Variants in ZBTB16 observed in about 807,000 individuals in gnomAD.
ZBTB16 encodes the protein zinc finger and BTB domain containing 16.
ZBTB16 carries 8 observed loss-of-function variants against 56.8 expected under a neutral mutation model. The ratio of observed to expected loss-of-function variants is 0.14; its 90% confidence interval spans 0.08 to 0.25. ZBTB16 has a LOEUF of 0.25. Ranked by LOEUF, ZBTB16 falls within the 10% of genes least tolerant of loss-of-function variation. The pLI is 1.00. For missense variants in ZBTB16, 625 were observed against 903.0 expected (o/e 0.69, Z 3.95); for synonymous variants, 363 against 368.5 (o/e 0.98, Z 0.17).
At chr11:114,104,480 G>C (rs1940720769) in intron 2 of ZBTB16, among the ~76,000 whole-genome samples, 1 of 152,172 alleles carries the variant, frequency 6.6e-6, no homozygotes, top group Non-Finnish European at 1.5e-5. Context: ...ATGGCAGGAA[G>C]GGAAAGGGAA....
intron 2 of ZBTB16, among the ~76,000 whole-genome samples, chr11:114,085,082 A>G (rs1031092989): frequency 9.2e-5 from 14 of 152,190 alleles, no homozygotes; most frequent in African/African-American, 3.4e-4. Flanking sequence ...TAGGATTTTG[A>G]CGATACCTCT....
At chr11:114,069,150 A>T (rs1446825660) in intron 2 of ZBTB16, among the ~76,000 whole-genome samples, 1 of 152,106 alleles carries the variant, frequency 6.6e-6, no homozygotes, top group Non-Finnish European at 1.5e-5. Flanking sequence ...CAGTGGCGCG[A>T]TCTCAGCTCA....
chr11:114,109,965 A>G (rs1464187917), intron 2 of ZBTB16, among the ~76,000 whole-genome samples: 1 of 152,142 alleles, frequency 6.6e-6, no homozygotes, highest in African/African-American at 2.4e-5. Context: ...CCACAGGAGG[A>G]CTTCTGGAAG....
At chr11:114,185,843 G>C (rs966062428) in intron 3 of ZBTB16, among the ~76,000 whole-genome samples, 2 of 152,208 alleles carry the variant, frequency 1.3e-5, no homozygotes, top group African/African-American at 2.4e-5. Context: ...GTTTCATCTT[G>C]ACATGGTGGC....
chr11:114,164,522 G>A (rs1942688474), intron 3 of ZBTB16, among the ~76,000 whole-genome samples: 1 of 152,210 alleles, frequency 6.6e-6, no homozygotes, highest in Non-Finnish European at 1.5e-5. Flanking sequence ...TATTGTCTGA[G>A]GATGAATAGA....
chr11:114,224,263 A>G lies in ZBTB16; in HGVS notation c.1454-17904A>G, dbSNP rs181413780. On this transcript the variant is annotated intron_variant, in intron 4 of 6. Coordinates refer to ENST00000335953, the MANE Select transcript of ZBTB16 (RefSeq NM_006006.6). ...GGGGGTGGATAAATAAATGCACAAA[A>G]AGATACTAGAAATCCGAAAACATTT... is the stretch of plus-strand genomic sequence containing the variant. Among the ~76,000 whole-genome samples, 479 of 152,336 alleles carry G rather than the reference A, an allele frequency of 3.1e-3. 1 individual carries two copies. The highest frequency in any genetic ancestry group is 0.011 in the African/African-American group (449 of 41,572).
chr11:114,165,308 C>G (rs1591737553), intron 3 of ZBTB16, among the ~76,000 whole-genome samples: 1 of 152,186 alleles, frequency 6.6e-6, no homozygotes, highest in African/African-American at 2.4e-5. Flanking sequence ...CCTGCTTTTC[C>G]CAGGTCCCTG....
chr11:114,190,100 G>A (rs1179038299), intron 4 of ZBTB16, among the ~76,000 whole-genome samples: 1 of 152,156 alleles, frequency 6.6e-6, no homozygotes. Flanking sequence ...AAAATATCTA[G>A]AATAGGCAAA....
chr11:114,238,178 G>T (rs1944632141), intron 4 of ZBTB16, among the ~76,000 whole-genome samples: 1 of 152,170 alleles, frequency 6.6e-6, no homozygotes, highest in South Asian at 2.1e-4. Context: ...GCCCTGGTCT[G>T]GTCCCTACCC....
intron 4 of ZBTB16, among the ~76,000 whole-genome samples, chr11:114,228,411 T>C (rs1428846867): frequency 1.3e-5 from 2 of 152,200 alleles, no homozygotes; most frequent in Non-Finnish European, 2.9e-5. Flanking sequence ...TGCTGGTTGC[T>C]TATATTCCTA....
intron 4 of ZBTB16, among the ~76,000 whole-genome samples, chr11:114,232,403 G>C (rs1944456911): frequency 6.6e-6 from 1 of 152,178 alleles, no homozygotes; most frequent in South Asian, 2.1e-4. Context: ...AAGCAGTGTA[G>C]AGAAACCGAG....
intron 4 of ZBTB16, among the ~76,000 whole-genome samples, chr11:114,223,412 G>A (rs1275868054): frequency 6.6e-6 from 1 of 152,212 alleles, no homozygotes. Context: ...CTTGAGAGAG[G>A]AGAGTAAGCC....
intron 4 of ZBTB16, among the ~76,000 whole-genome samples, chr11:114,222,132 C>T (rs389858): frequency 0.23 from 34,625 of 152,076 alleles, 4,935 homozygotes; most frequent in Middle Eastern, 0.33. Flanking sequence ...ATCCTTGAGG[C>T]ACTGAAAACT....
intron 4 of ZBTB16, among the ~76,000 whole-genome samples, chr11:114,240,770 G>A (rs1944686154): frequency 6.6e-6 from 1 of 152,160 alleles, no homozygotes; most frequent in South Asian, 2.1e-4. Context: ...ACAGAAAATG[G>A]CAGCCTGTAT....
chr11:114,096,694 A>T (rs1249583384), intron 2 of ZBTB16, among the ~76,000 whole-genome samples: 2 of 152,200 alleles, frequency 1.3e-5, no homozygotes, highest in Non-Finnish European at 2.9e-5. Context: ...GCTCACCCCC[A>T]TCAAATGAGG....
intron 2 of ZBTB16, among the ~76,000 whole-genome samples, chr11:114,142,371 G>A (rs1941975879): frequency 6.6e-6 from 1 of 152,190 alleles, no homozygotes; most frequent in African/African-American, 2.4e-5. Context: ...TTGCACAACG[G>A]ATTGCCTAGA....
intron 4 of ZBTB16, among the ~76,000 whole-genome samples, chr11:114,221,606 A>C (rs545070776): frequency 1.3e-5 from 2 of 152,198 alleles, no homozygotes; most frequent in East Asian, 3.9e-4. Context: ...ACTCACTGTA[A>C]GGTGCTTCAG....
intron 4 of ZBTB16, chr11:114,209,553 G>A (rs1943955115): frequency 1.0e-6 from 1 of 985,290 alleles, no homozygotes; most frequent in Non-Finnish European, 1.2e-6. Flanking sequence ...GCTCTGGGAA[G>A]CAGCAGGTTG....
chr11:114,085,218 A>G (rs1672712), intron 2 of ZBTB16, among the ~76,000 whole-genome samples: 85,700 of 152,012 alleles, frequency 0.56, 25,401 homozygotes, highest in East Asian at 0.79. Flanking sequence ...GTTCAATGAA[A>G]CTCTATTTAT....
Sources: allele counts gnomAD v4.1 joint callset (sites outside exome capture counted in the v4.1 genomes callset), GRCh38; gene constraint gnomAD v4.1.1; transcripts MANE v1.5; gene names NCBI Gene and HGNC (gene_info 2026-07-23, HGNC 2026-07-21).